Variants in STYX observed in about 807,000 individuals in gnomAD.
The protein encoded by STYX is serine/threonine/tyrosine interacting protein.
A neutral mutation model predicts 42.7 loss-of-function variants in STYX; 20 were observed. The ratio of observed to expected loss-of-function variants is 0.47; its 90% CI spans 0.33 to 0.68. STYX has a LOEUF of 0.68. Ranked by LOEUF, STYX falls within the 30% of genes least tolerant of loss-of-function variation. The pLI is 0.02. For synonymous variants in STYX, 78 were observed against 81.9 expected (o/e 0.95, Z 0.26); for missense variants, 226 against 268.5 (o/e 0.84, Z 1.11).
chr14:52,761,607 C>T (rs1371577775), intron 9 of STYX, among the ~76,000 whole-genome samples: 4 of 124,252 alleles, frequency 3.2e-5, no homozygotes, highest in Non-Finnish European at 4.8e-5. Context: ...CTTGCTCTGT[C>T]ACCCAGGCTG....
chr14:52,752,881 TG>T (rs368113938), intron 4 of STYX, among the ~76,000 whole-genome samples: 46,828 of 123,702 alleles, frequency 0.38, 9,731 homozygotes, highest in East Asian at 0.48. Context: ...TTGTTGTTGT[TG>T]TTTTTTTTTT....
At chr14:52,732,101 T>G (rs1305262181) in intron 1 of STYX, among the ~76,000 whole-genome samples, 17 of 149,334 alleles carry the variant, frequency 1.1e-4, no homozygotes, top group African/African-American at 3.7e-4. Flanking sequence ...GTTTTTTTTT[T>G]TTTTTTTTTT....
At chr14:52,733,495 C>T (rs1304939344) in intron 1 of STYX, among the ~76,000 whole-genome samples, 1 of 152,162 alleles carries the variant, frequency 6.6e-6, no homozygotes, top group East Asian at 1.9e-4. Context: ...AAGGCTGCCC[C>T]CAACCTCAGA....
At chr14:52,764,508 T>G (rs1366620735) in intron 9 of STYX, among the ~76,000 whole-genome samples, 7 of 152,124 alleles carry the variant, frequency 4.6e-5, no homozygotes, top group Non-Finnish European at 2.9e-5. Flanking sequence ...CCCACTTTCA[T>G]TTACTGAAAA....
intron 1 of STYX, among the ~76,000 whole-genome samples, chr14:52,744,359 G>A (rs1211810519): frequency 2.0e-5 from 3 of 152,160 alleles, no homozygotes; most frequent in Non-Finnish European, 4.4e-5. Flanking sequence ...ATAAGCATTT[G>A]GCATTTTAGA....
intron 9 of STYX, among the ~76,000 whole-genome samples, chr14:52,768,364 C>G (rs184896908): frequency 1.3e-5 from 2 of 152,122 alleles, no homozygotes; most frequent in Admixed American, 6.6e-5. Flanking sequence ...ACTATCCTGA[C>G]GTAGCTGGTA....
At chr14:52,750,606 G>A in intron 3 of STYX, 77 bp from the exon 4 acceptor site, 2 of 955,432 alleles carry the variant, frequency 2.1e-6, no homozygotes, top group Non-Finnish European at 3.2e-6. Context: ...AAACATCTGT[G>A]TTATATAGTA....
intron 1 of STYX, among the ~76,000 whole-genome samples, chr14:52,734,787 C>A (rs986387315): frequency 6.6e-6 from 1 of 152,118 alleles, no homozygotes; most frequent in Non-Finnish European, 1.5e-5. Flanking sequence ...TCCGGCCGGG[C>A]GTGGTGGCTC....
intron 1 of STYX, among the ~76,000 whole-genome samples, chr14:52,743,941 C>A (rs1315181123): frequency 6.6e-6 from 1 of 152,150 alleles, no homozygotes; most frequent in African/African-American, 2.4e-5. Context: ...CCCACCTCAG[C>A]CTCCTGTGTA....
chr14:52,766,632 A>G (rs571601764), intron 9 of STYX, among the ~76,000 whole-genome samples: 55 of 152,244 alleles, frequency 3.6e-4, no homozygotes, highest in African/African-American at 1.2e-3. Context: ...TGATTGCTCT[A>G]CATCAGTTTT....
chr14:52,752,947 C>A (rs1380318120), intron 4 of STYX, among the ~76,000 whole-genome samples: 3 of 129,044 alleles, frequency 2.3e-5, no homozygotes, highest in African/African-American at 2.9e-5. Context: ...GTGGTGTGAT[C>A]TTGGCTCACT....
intron 6 of STYX, 130 bp from the exon 7 acceptor site, chr14:52,757,613 A>G: frequency 1.1e-6 from 1 of 888,422 alleles, no homozygotes; most frequent in Non-Finnish European, 1.7e-6. Context: ...GTTGATAATA[A>G]CAAATTGTAA....
chr14:52,753,957 A>T (rs568948568), intron 4 of STYX, among the ~76,000 whole-genome samples: 60 of 126,120 alleles, frequency 4.8e-4, no homozygotes, highest in Admixed American at 2.0e-3. Context: ...GCTAGAATGC[A>T]GGGCTCACTG....
At chr14:52,744,514 CA>C (rs147833110) in intron 1 of STYX, among the ~76,000 whole-genome samples, 1 of 151,880 alleles carries the variant, frequency 6.6e-6, no homozygotes, top group Non-Finnish European at 1.5e-5. Context: ...GCATGAGAAA[CA>C]AAAAAAATCT....
chr14:52,746,012 T>C (rs1485246246), intron 2 of STYX, among the ~76,000 whole-genome samples: 5 of 152,250 alleles, frequency 3.3e-5, no homozygotes, highest in Non-Finnish European at 7.3e-5. Flanking sequence ...GTATTGAATT[T>C]ACATAAAATA....
chr14:52,740,753 T>A (rs1881155552), intron 1 of STYX, among the ~76,000 whole-genome samples: 1 of 152,210 alleles, frequency 6.6e-6, no homozygotes, highest in South Asian at 2.1e-4. Flanking sequence ...TTTTGTCTAG[T>A]TGATCTTTTT....
intron 1 of STYX, among the ~76,000 whole-genome samples, chr14:52,737,877 G>A (rs1320844558): frequency 6.6e-6 from 1 of 152,102 alleles, no homozygotes; most frequent in Admixed American, 6.6e-5. Flanking sequence ...CCGGGTTCAC[G>A]CCATTCTCCT....
chr14:52,773,594 T>TCCC lies in STYX; in HGVS notation c.*2489_*2491dup, dbSNP rs1882607155. 6.6e-6 allele frequency: 1 copy of TCCC among 152,148 alleles called. No homozygotes were observed. The highest frequency in any genetic ancestry group is 2.4e-5 in the African/African-American group (1 of 41,436). 9.4% of individuals were successfully genotyped at this position (152,148 alleles called of 1,614,324 possible). A position where few individuals can be genotyped will look rare whatever the true frequency, so the allele number is the denominator to read the frequency against. The stretch of plus-strand genomic sequence containing the variant: ...CTCAAGTGATCCACCCACCTCGGCC[T>TCCC]CCCAAAGTGCTGGGATTACAGGCGT... On this transcript the variant is annotated 3_prime_UTR_variant, in exon 11 of 11. Transcript: ENST00000354586.
chr14:52,752,180 C>A (rs1211212636), intron 4 of STYX, among the ~76,000 whole-genome samples: 2 of 149,182 alleles, frequency 1.3e-5, no homozygotes, highest in Non-Finnish European at 3.0e-5. Context: ...CAAAACAAAA[C>A]AAAAAAAAAA....
Sources: allele counts gnomAD v4.1 joint callset (sites outside exome capture counted in the v4.1 genomes callset), GRCh38; gene constraint gnomAD v4.1.1; transcripts MANE v1.5; gene names NCBI Gene and HGNC (gene_info 2026-07-23, HGNC 2026-07-21).